Variants in SLC8A1 observed in about 807,000 individuals in gnomAD.
SLC8A1 encodes the protein sodium/calcium exchanger 1.
SLC8A1 carries 18 observed loss-of-function variants against 68.3 expected under a neutral mutation model. The observed-to-expected ratio is 0.26, with a 90% CI of 0.18 to 0.39. The LOEUF (loss-of-function observed/expected upper bound fraction) is 0.39, where lower values mean the gene tolerates loss of function less well. Among genes scored for constraint, SLC8A1 ranks in the 10% least tolerant of loss-of-function variants. The pLI, the probability that SLC8A1 is intolerant of heterozygous loss-of-function variation, is 1.00. For missense variants in SLC8A1, 985 were observed against 1,156.7 expected, an observed-to-expected ratio of 0.85 and a Z score of 2.15; for synonymous variants, 475 against 415.5, an observed-to-expected ratio of 1.14 and a Z score of -1.74.
At chr2:40,451,648 C>T (rs1397142989) in intron 1 of SLC8A1, among the ~76,000 whole-genome samples, 2 of 151,984 alleles carry the variant, frequency 1.3e-5, no homozygotes, top group Non-Finnish European at 2.9e-5. Flanking sequence ...GGCAGGCAGG[C>T]ACCCTCACGC....
In SLC8A1 at chr2:40,385,681, G is replaced by A. The variant is rs141429209; in HGVS notation, c.1808+42792C>T. ...TATACCATCTTTCAAATGTCTTTCT[G>A]GAGAGCAGTTTGCTAAAGTGTACTA... On this transcript the variant is annotated intron_variant, in intron 2 of 7. Transcript: ENST00000406785. Among the ~76,000 whole-genome samples the A allele has an allele frequency of 8.8e-4, 133 of 151,384 alleles. 6 individuals carry two copies. Among genetic ancestry groups the A allele is most frequent in the African/African-American group, 3.1e-3 (128 of 40,874 alleles).
At chr2:40,147,949 A>T (rs753077873) in intron 6 of SLC8A1, among the ~76,000 whole-genome samples, 1 of 152,196 alleles carries the variant, frequency 6.6e-6, no homozygotes, top group Non-Finnish European at 1.5e-5. Flanking sequence ...GAGATGAAGA[A>T]TCTGAGGCTC....
intron 2 of SLC8A1, among the ~76,000 whole-genome samples, chr2:40,371,137 T>C (rs957238235): frequency 1.3e-5 from 2 of 152,092 alleles, no homozygotes; most frequent in African/African-American, 4.8e-5. Flanking sequence ...ATGATATTGG[T>C]GGTCCCTGGC....
intron 2 of SLC8A1, among the ~76,000 whole-genome samples, chr2:40,267,929 G>C (rs2065560842): frequency 6.6e-6 from 1 of 152,120 alleles, no homozygotes; most frequent in South Asian, 2.1e-4. Context: ...TGACATGAGG[G>C]AGATTTGCTG....
chr2:40,144,026 G>A (rs2042035186), intron 6 of SLC8A1, among the ~76,000 whole-genome samples: 1 of 152,186 alleles, frequency 6.6e-6, no homozygotes, highest in African/African-American at 2.4e-5. Context: ...GGGATTGGAA[G>A]AAGAAATGCT....
At chr2:40,257,431 TTTTTTGACCTTTCC>T (rs2064097209) in intron 2 of SLC8A1, among the ~76,000 whole-genome samples, 1 of 152,142 alleles carries the variant, frequency 6.6e-6, no homozygotes, top group African/African-American at 2.4e-5. Context: ...CACCTTTTTT[TTTTTTGACCTTTCC>T]TTTTTTTGAC....
intron 1 of SLC8A1, among the ~76,000 whole-genome samples, chr2:40,437,092 TG>T (rs2149812633): frequency 6.6e-6 from 1 of 152,306 alleles, no homozygotes; most frequent in Admixed American, 6.5e-5. Context: ...GAAAAATAAA[TG>T]GTTCATGAAA....
intron 2 of SLC8A1, among the ~76,000 whole-genome samples, chr2:40,324,737 T>C (rs1336086669): frequency 6.6e-6 from 1 of 152,076 alleles, no homozygotes; most frequent in Non-Finnish European, 1.5e-5. Flanking sequence ...ATGTCTCAAA[T>C]CTTAAGTTTA....
chr2:40,346,489 A>G (rs958632613), intron 2 of SLC8A1, among the ~76,000 whole-genome samples: 3 of 152,160 alleles, frequency 2.0e-5, no homozygotes, highest in Admixed American at 6.6e-5. Flanking sequence ...CTTTATGGCT[A>G]CAGCAGTATT....
chr2:40,133,712 C>CA (rs1491270959), intron 7 of SLC8A1, among the ~76,000 whole-genome samples: 1 of 56,896 alleles, frequency 1.8e-5, no homozygotes, highest in East Asian at 1.3e-3. Context: ...CCCCCCCCCC[C>CA]ACCGACTCAT....
chr2:40,367,555 C>G (rs1230160926), intron 2 of SLC8A1, among the ~76,000 whole-genome samples: 1 of 151,872 alleles, frequency 6.6e-6, no homozygotes, highest in East Asian at 1.9e-4. Flanking sequence ...ATTTTCCTTG[C>G]CCTATTGAAA....
At chr2:40,114,301 A>G (rs1240266425) in exon 8 of SLC8A1, 1 of 152,806 alleles carries the variant, frequency 6.5e-6, no homozygotes, top group Non-Finnish European at 1.5e-5. Flanking sequence ...ATCCCAAGCA[A>G]CGGCAACATG....
chr2:40,364,854 A>AT (rs995704115), intron 2 of SLC8A1, among the ~76,000 whole-genome samples: 12 of 151,550 alleles, frequency 7.9e-5, no homozygotes, highest in South Asian at 6.3e-4. Flanking sequence ...AAGTGCTGCA[A>AT]TTTTTTTTTC....
intron 2 of SLC8A1, among the ~76,000 whole-genome samples, chr2:40,258,474 C>T (rs2064242645): frequency 6.6e-6 from 1 of 152,198 alleles, no homozygotes; most frequent in South Asian, 2.1e-4. Flanking sequence ...CTTCCTCCCT[C>T]TCCACCCAAA....
chr2:40,111,008 A>T (rs1042114515), exon 8 of SLC8A1: 11 of 152,296 alleles, frequency 7.2e-5, no homozygotes, highest in Admixed American at 4.6e-4. Context: ...GGAAAATGCA[A>T]TGTGAGTGGT....
At chr2:40,258,312 A>G (rs1200566355) in intron 2 of SLC8A1, among the ~76,000 whole-genome samples, 1 of 152,236 alleles carries the variant, frequency 6.6e-6, no homozygotes, top group African/African-American at 2.4e-5. Flanking sequence ...TGGCATGCCA[A>G]GAGCAAGAAC....
At chr2:40,164,790 C>A in intron 5 of SLC8A1, 64 bp downstream of exon 8, 1 of 1,592,048 alleles carries the variant, frequency 6.3e-7, no homozygotes, top group Non-Finnish European at 8.6e-7. Context: ...CTTTGGCCAA[C>A]CCTATGAACA....
chr2:40,238,221 G>A (rs1006231074), intron 2 of SLC8A1, among the ~76,000 whole-genome samples: 16 of 152,158 alleles, frequency 1.1e-4, no homozygotes, highest in African/African-American at 3.9e-4. Context: ...CCGCCTTGCA[G>A]TTTGATCTCA....
intron 2 of SLC8A1, among the ~76,000 whole-genome samples, chr2:40,228,728 G>A (rs138599387): frequency 3.9e-5 from 6 of 152,262 alleles, no homozygotes; most frequent in East Asian, 1.9e-4. Context: ...AATGGTAGGC[G>A]AGCCTCAAAG....
Sources: allele counts gnomAD v4.1 joint callset (sites outside exome capture counted in the v4.1 genomes callset), GRCh38; gene constraint gnomAD v4.1.1; transcripts MANE v1.5; gene names NCBI Gene and HGNC (gene_info 2026-07-23, HGNC 2026-07-21).